The following WNT5B variants were observed in gnomAD, a reference collection of about 807,000 sequenced individuals.
WNT5B encodes Wnt family member 5B, also known as protein Wnt-5b.
A neutral mutation model predicts 36.5 loss-of-function variants in WNT5B; 18 were observed. The observed-to-expected ratio is 0.49, with a 90% CI of 0.34 to 0.73. The LOEUF is 0.73. WNT5B is among the 30% of genes least tolerant of loss of function. The pLI is 0.01. For synonymous variants in WNT5B, 213 were observed against 212.3 expected (o/e 1.00, Z -0.03); for missense variants, 424 against 508.4 (o/e 0.83, Z 1.60).
rs552718491 is a variant in WNT5B, at chr12:1,618,646, C to G, written c.-58+1503C>G. Among the ~76,000 whole-genome samples the G allele has an allele frequency of 2.0e-5, 3 of 152,320 alleles. No individual in the cohort carries two copies. The highest frequency in any genetic ancestry group is 7.2e-5 in the African/African-American group (3 of 41,574). Reference sequence around the variant, plus strand: ...TTTATTAGTATTCAGGAGAAGGGAACTTCCTCTTTCTTATCATCTGCACAG... The same window carrying G: ...TTTATTAGTATTCAGGAGAAGGGAAGTTCCTCTTTCTTATCATCTGCACAG... On this transcript the variant is annotated intron_variant, in intron 1 of 4. Coordinates refer to the WNT5B transcript ENST00000310594. This position sits in a 1 kb window ranked among gnomAD's most constrained non-coding sequence, Gnocchi z 4.1.
chr12:1,637,879 AAAGT>A (rs140132417), intron 3 of WNT5B, among the ~76,000 whole-genome samples: 2,673 of 152,328 alleles, frequency 0.018, 72 homozygotes, highest in African/African-American at 0.06. Context: ...ACAGAAACAC[AAAGT>A]AAGTACATGC....
intron 4 of WNT5B, among the ~76,000 whole-genome samples, chr12:1,640,207 C>G (rs1253210817): frequency 6.6e-6 from 1 of 152,154 alleles, no homozygotes; most frequent in African/African-American, 2.4e-5. Flanking sequence ...TTTCTTTTTA[C>G]TTACTTTATT....
Position 1,639,680 on chromosome 12 carries a change from G to T in WNT5B, c.329-4G>T. 1 of 1,541,166 alleles carries T rather than the reference G, an allele frequency of 6.5e-7. No individual in the cohort carries two copies. The highest frequency in any genetic ancestry group is 8.7e-7 in the Non-Finnish European group (1 of 1,153,186). On this transcript the variant is annotated splice_polypyrimidine_tract_variant and splice_region_variant and intron_variant, in intron 3 of 4. Coordinates refer to ENST00000397196, the MANE Select transcript of WNT5B (RefSeq NM_032642.3). The stretch of plus-strand genomic sequence containing the variant: ...CCGCTTACCGCCCTGGCCTCATTCT[G>T]CAGGCAGCCGAGAGACCGCCTTCAC...
At chr12:1,628,056 A>G (rs2154439433), upstream of WNT5B, among the ~76,000 whole-genome samples, 1 of 152,230 alleles carries the variant, frequency 6.6e-6, no homozygotes, top group East Asian at 1.9e-4. Flanking sequence ...ATGTCTGACC[A>G]GCTCATTCTG....
At chr12:1,622,624 C>T (rs1475789325) in intron 1 of WNT5B, among the ~76,000 whole-genome samples, 1 of 152,156 alleles carries the variant, frequency 6.6e-6, no homozygotes, top group Non-Finnish European at 1.5e-5. Context: ...GGCTGGCCTT[C>T]GTGGCCTGCT....
At chr12:1,619,942 A>G (rs1359327531) in intron 1 of WNT5B, among the ~76,000 whole-genome samples, 1 of 152,240 alleles carries the variant, frequency 6.6e-6, no homozygotes, top group Admixed American at 6.5e-5. Flanking sequence ...AATAAAAATA[A>G]AAAAGGTCAC....
intron 1 of WNT5B, among the ~76,000 whole-genome samples, chr12:1,619,431 G>A (rs1325397929): frequency 2.6e-5 from 4 of 152,166 alleles, no homozygotes; most frequent in African/African-American, 7.2e-5. Context: ...AATAATTAAG[G>A]CTGGCAGGGA....
At position 1,633,531 on chromosome 12, in the gene WNT5B, C is replaced by G. The variant is rs1461749462; in HGVS notation, c.328+626C>G. Among the ~76,000 whole-genome samples, 1 of 152,116 alleles carries G rather than the reference C, an allele frequency of 6.6e-6. No homozygotes were observed. ...TCCTGTCCCTTCCCCTCTCCCACTG[C>G]TGGCCAAGGATTCTTGGGCCACCCT... On this transcript the variant is annotated intron_variant, in intron 3 of 4. Transcript: ENST00000397196. This position sits in a 1 kb window ranked among gnomAD's most constrained non-coding sequence, Gnocchi z 4.8.
Position 1,633,009 on chromosome 12 carries a change from C to A in WNT5B, c.328+104C>A. Reference sequence around the variant, plus strand: ...GGCACAGGGAGAGCCCAAAGGCAGCCTAAGTGGGCTCTCTCTAGGCTTGGC... The same window carrying A: ...GGCACAGGGAGAGCCCAAAGGCAGCATAAGTGGGCTCTCTCTAGGCTTGGC... On this transcript the variant is annotated intron_variant, in intron 3 of 4. Coordinates refer to ENST00000397196, the MANE Select transcript of WNT5B (RefSeq NM_032642.3). This position sits in a 1 kb window ranked among gnomAD's most constrained non-coding sequence, Gnocchi z 4.8. 3 of 1,482,848 alleles carry A rather than the reference C, an allele frequency of 2.0e-6. No homozygotes were observed. The highest frequency in any genetic ancestry group is 2.7e-6 in the Non-Finnish European group (3 of 1,112,542). 91.9% of individuals were successfully genotyped at this position (1,482,848 alleles called of 1,614,324 possible).
At chr12:1,642,746 C>A (rs932906173) in intron 4 of WNT5B, among the ~76,000 whole-genome samples, 2 of 152,198 alleles carry the variant, frequency 1.3e-5, no homozygotes, top group African/African-American at 4.8e-5. Context: ...TGTTATCTGG[C>A]AGCCTTCCCT....
At chr12:1,628,919 TTGTGTGTG>T (rs751402571), upstream of WNT5B, among the ~76,000 whole-genome samples, 2 of 150,536 alleles carry the variant, frequency 1.3e-5, no homozygotes, top group Admixed American at 1.3e-4. Flanking sequence ...GGTGTGTGTG[TTGTGTGTG>T]TGTGTGTGCA....
chr12:1,635,845 G>A (rs574573644), intron 3 of WNT5B, among the ~76,000 whole-genome samples: 8 of 152,258 alleles, frequency 5.3e-5, no homozygotes, highest in African/African-American at 1.9e-4. Flanking sequence ...CCATCATTTC[G>A]GTTTTTCTTG....
upstream of WNT5B, among the ~76,000 whole-genome samples, chr12:1,626,641 T>C (rs2154439400): frequency 6.6e-6 from 1 of 151,600 alleles, no homozygotes; most frequent in African/African-American, 2.4e-5. Flanking sequence ...CTTGACCCAC[T>C]GCACGCTCCG....
chr12:1,639,853 G>A lies in WNT5B; in HGVS notation c.498G>A (p.Glu166=), dbSNP rs1428958583. The A allele has an allele frequency of 6.2e-7, 1 of 1,613,802 alleles. No individual in the cohort carries two copies. Among genetic ancestry groups the A allele is most frequent in the Admixed American group, 1.7e-5 (1 of 60,012 alleles). ...WLWGGCGDNV[E]YGYRFAKEFV... is the part of the protein sequence containing the mutation. ...GGGGCGGCTGTGGGGACAACGTGGA[G>A]TACGGCTACCGCTTCGCCAAGGAGT... Residue 166 remains glutamate, a synonymous_variant, in exon 4 of 5, where the codon GAG becomes GAA. Coordinates refer to ENST00000397196, the MANE Select transcript of WNT5B (RefSeq NM_032642.3).
chr12:1,641,524 G>A (rs111618399), intron 4 of WNT5B, among the ~76,000 whole-genome samples: 23 of 152,120 alleles, frequency 1.5e-4, no homozygotes, highest in African/African-American at 2.6e-4. Flanking sequence ...CATGAGAGGC[G>A]GGGCACGGTG....
chr12:1,637,581 C>CA (rs61542245), intron 3 of WNT5B, among the ~76,000 whole-genome samples: 3,777 of 110,318 alleles, frequency 0.034, 193 homozygotes, highest in African/African-American at 0.12. Context: ...ACTAAACATA[C>CA]AAAAAAAAAA....
At chr12:1,640,821 C>A (rs545663518) in intron 4 of WNT5B, among the ~76,000 whole-genome samples, 16 of 152,358 alleles carry the variant, frequency 1.1e-4, no homozygotes, top group African/African-American at 3.1e-4. Context: ...GACTGGAGGG[C>A]CTGCCCCGCA....
At chr12:1,623,264 C>G (rs534145072) in intron 1 of WNT5B, among the ~76,000 whole-genome samples, 179 of 133,924 alleles carry the variant, frequency 1.3e-3, no homozygotes, top group Non-Finnish European at 2.3e-3. Flanking sequence ...GGCACAGTCT[C>G]GGCTCACTAC....
At chr12:1,626,985 C>T (rs763127771), upstream of WNT5B, among the ~76,000 whole-genome samples, 12 of 152,210 alleles carry the variant, frequency 7.9e-5, no homozygotes, top group Non-Finnish European at 1.3e-4. Context: ...CCCCTGTGTA[C>T]TATCCTATCC....
Sources: gnomAD v4.1 joint callset for allele counts (sites outside exome capture counted in the v4.1 genomes callset) on GRCh38, gnomAD v4.1.1 for gene constraint, Gnocchi (gnomAD v3.1) non-coding constraint, MANE v1.5 for transcripts, NCBI Gene and HGNC (gene_info 2026-07-23, HGNC 2026-07-21) for gene names.